Variants in MMP26 observed in about 807,000 individuals in gnomAD.
MMP26 encodes matrix metalloproteinase-26.
In MMP26, 33 loss-of-function variants were observed where a neutral mutation model predicts 31.0. That is an observed-to-expected ratio of 1.06 (90% CI 0.81 to 1.42). The LOEUF (loss-of-function observed/expected upper bound fraction) is 1.42. Among genes scored for constraint, MMP26 ranks in the 40% most tolerant of loss-of-function variants. The probability of loss-of-function intolerance (pLI) is 0.00; values close to 1 mark genes in which losing one functional copy is unlikely to be tolerated. For missense variants in MMP26, 347 were observed against 316.1 expected (o/e 1.10, Z -0.74); for synonymous variants, 122 against 114.9 (o/e 1.06, Z -0.40).
intron 1 of MMP26, among the ~76,000 whole-genome samples, chr11:4,725,586 T>C (rs752221909): frequency 6.6e-6 from 1 of 152,190 alleles, no homozygotes; most frequent in Non-Finnish European, 1.5e-5. Context: ...TCTTATGACA[T>C]AGAAGGTGCT....
intron 2 of MMP26, among the ~76,000 whole-genome samples, chr11:4,768,776 T>G (rs1271676145): frequency 6.6e-6 from 1 of 152,258 alleles, no homozygotes; most frequent in African/African-American, 2.4e-5. Context: ...TCATTATTGT[T>G]ATTTTCCTAA....
At chr11:4,802,322 T>A (rs1316308654) in intron 2 of MMP26, among the ~76,000 whole-genome samples, 2 of 152,244 alleles carry the variant, frequency 1.3e-5, no homozygotes, top group Non-Finnish European at 2.9e-5. Flanking sequence ...GAAGAGTAAT[T>A]GCTCAATATA....
At chr11:4,754,419 T>C (rs1848482487) in intron 1 of MMP26, among the ~76,000 whole-genome samples, 1 of 152,018 alleles carries the variant, frequency 6.6e-6, no homozygotes, top group Non-Finnish European at 1.5e-5. Context: ...CCATGTATTA[T>C]ATGAAATGTA....
intron 2 of MMP26, chr11:4,848,790 T>G (rs780011740): frequency 1.2e-6 from 2 of 1,613,910 alleles, no homozygotes; most frequent in Non-Finnish European, 1.7e-6. Context: ...GAGCGCTGGG[T>G]AGTGGAGAGG....
chr11:4,790,912 G>A (rs999162298), intron 2 of MMP26, among the ~76,000 whole-genome samples: 5 of 152,128 alleles, frequency 3.3e-5, no homozygotes, highest in Admixed American at 1.3e-4. Context: ...CTCATAAGTG[G>A]TATACATTCA....
In MMP26 at chr11:4,728,297, C is replaced by T. The variant is rs138180799; in HGVS notation, c.-217+23252C>T. Among the ~76,000 whole-genome samples, 1,245 of 152,286 alleles carry T rather than the reference C, an allele frequency of 8.2e-3. 11 individuals are homozygous for T. The highest frequency in any genetic ancestry group is 0.01 in the Middle Eastern group (3 of 294). On this transcript the variant is annotated intron_variant, in intron 1 of 7. Coordinates refer to ENST00000380390, the MANE Select transcript of MMP26 (RefSeq NM_021801.5). ...ATTAATCTTGTCTTCATAATGAAGG[C>T]ATGATTTCCATAGCTTTCCAGAGTA... is the stretch of plus-strand genomic sequence containing the variant.
intron 2 of MMP26, among the ~76,000 whole-genome samples, chr11:4,789,631 C>T (rs1230785149): frequency 6.9e-6 from 1 of 144,112 alleles, no homozygotes; most frequent in South Asian, 2.3e-4. Flanking sequence ...ACCTCTGCCT[C>T]CTGGGTTCAA....
At chr11:4,821,472 G>A in intron 2 of MMP26, 3 of 1,613,386 alleles carry the variant, frequency 1.9e-6, no homozygotes, top group Non-Finnish European at 2.5e-6. Flanking sequence ...TCCTCCTGAT[G>A]GGCATTCCAG....
At chr11:4,973,027 T>C (rs1235028135) in intron 2 of MMP26, 1 of 154,288 alleles carries the variant, frequency 6.5e-6, no homozygotes, top group Non-Finnish European at 1.5e-5. Context: ...GGTTCATCAA[T>C]GGAGGCACCA....
chr11:4,951,710 C>T (rs1457965406), intron 2 of MMP26, among the ~76,000 whole-genome samples: 1 of 123,758 alleles, frequency 8.1e-6, no homozygotes, highest in East Asian at 2.3e-4. Flanking sequence ...CCAATTGCAC[C>T]AGTCACATTA....
At chr11:4,962,941 CACTT>C (rs1475370556) in intron 2 of MMP26, among the ~76,000 whole-genome samples, 1 of 152,164 alleles carries the variant, frequency 6.6e-6, no homozygotes, top group Non-Finnish European at 1.5e-5. Flanking sequence ...AAACAGAACA[CACTT>C]ACCAGAGTTT....
intron 2 of MMP26, among the ~76,000 whole-genome samples, chr11:4,967,710 C>T (rs1281943407): frequency 6.6e-6 from 1 of 152,102 alleles, no homozygotes; most frequent in Non-Finnish European, 1.5e-5. Context: ...GTAACCAAAA[C>T]TTTGATAATA....
At chr11:4,971,844 G>A (rs920955002) in intron 2 of MMP26, among the ~76,000 whole-genome samples, 9 of 151,978 alleles carry the variant, frequency 5.9e-5, no homozygotes, top group African/African-American at 2.2e-4. Context: ...GAGGAAGGAA[G>A]CAAGATAAAA....
chr11:4,992,240 T>C lies in MMP26; in HGVS notation c.784T>C (p.Ter262GlnextTer2). ...YGEKCSSDIP[*>Q] ...AGAAAAATGTTCATCTGACATACCT[T>C]AATGTTAGCACAGAGGACTTATTCA... is the stretch of plus-strand genomic sequence containing the variant. Residue 262 changes from the stop codon to glutamine, a stop_lost, in exon 8 of 8, where the codon TAA (stop) becomes CAA (glutamine). Transcript: ENST00000380390. 6.2e-7 allele frequency: 1 copy of C among 1,609,576 alleles called. No homozygotes were observed. The highest frequency in any genetic ancestry group is 8.5e-7 in the Non-Finnish European group (1 of 1,177,770).
At chr11:4,819,596 T>TTTTTG (rs1849467113) in intron 2 of MMP26, among the ~76,000 whole-genome samples, 1 of 76,086 alleles carries the variant, frequency 1.3e-5, no homozygotes. Flanking sequence ...TTTTTTTTTT[T>TTTTTG]GAGACAGTGT....
intron 2 of MMP26, among the ~76,000 whole-genome samples, chr11:4,939,678 T>A (rs557112042): frequency 7.9e-5 from 12 of 152,280 alleles, no homozygotes; most frequent in African/African-American, 2.9e-4. Flanking sequence ...TTCTTAGTGC[T>A]TATGGGGTCT....
intron 2 of MMP26, among the ~76,000 whole-genome samples, chr11:4,960,626 T>C (rs61880625): frequency 0.28 from 42,370 of 151,794 alleles, 6,015 homozygotes; most frequent in Middle Eastern, 0.4. Flanking sequence ...CTGAAAGAAA[T>C]AATCCTGATT....
intron 2 of MMP26, among the ~76,000 whole-genome samples, chr11:4,978,518 C>T (rs530731216): frequency 3.9e-5 from 6 of 152,134 alleles, no homozygotes; most frequent in African/African-American, 1.4e-4. Flanking sequence ...CAACAGTGCC[C>T]AGCACAGTGG....
intron 2 of MMP26, among the ~76,000 whole-genome samples, chr11:4,849,908 AC>A (rs1849950467): frequency 6.6e-6 from 1 of 152,298 alleles, no homozygotes; most frequent in Middle Eastern, 3.4e-3. Flanking sequence ...GTATTTTGTT[AC>A]ATGCATAGAA....
Sources: allele counts gnomAD v4.1 joint callset (sites outside exome capture counted in the v4.1 genomes callset), GRCh38; gene constraint gnomAD v4.1.1; transcripts MANE v1.5; gene names NCBI Gene and HGNC (gene_info 2026-07-23, HGNC 2026-07-21).